Variants in SMOC2 observed in about 807,000 individuals in gnomAD.
The protein encoded by SMOC2 is SPARC-related modular calcium-binding protein 2.
Under a neutral mutation model 61.4 loss-of-function variants are expected in SMOC2, and 39 were observed. The observed-to-expected ratio is 0.64, with a 90% CI of 0.49 to 0.83. The LOEUF is 0.83. SMOC2 is among the 40% of genes least tolerant of loss of function. SMOC2 has a pLI of 0.00. For missense variants in SMOC2, 556 were observed against 592.9 expected, an observed-to-expected ratio of 0.94 and a Z score of 0.65; for synonymous variants, 247 against 239.9, an observed-to-expected ratio of 1.03 and a Z score of -0.27.
chr6:168,620,668 A>G lies in SMOC2; in HGVS notation c.907+12429A>G, dbSNP rs762547178. Among the ~76,000 whole-genome samples the G allele has an allele frequency of 4.2e-4, 64 of 152,226 alleles. 1 individual carries two copies. Among genetic ancestry groups the G allele is most frequent in the Non-Finnish European group, 1.0e-4 (7 of 68,024 alleles). On this transcript the variant is annotated intron_variant, in intron 9 of 12. Transcript: ENST00000356284. Reference sequence around the variant, plus strand: ...TTTGAGTCAGGGAACCGCAGACAGCATGGGCAGCACTGACACTGTGCGGAG... The same window carrying G: ...TTTGAGTCAGGGAACCGCAGACAGCGTGGGCAGCACTGACACTGTGCGGAG...
chr6:168,548,988 G>A, intron 6 of SMOC2, 141 bp from the exon 7 acceptor site: 1 of 654,966 alleles, frequency 1.5e-6, no homozygotes, highest in Non-Finnish European at 2.8e-6. Context: ...TATAATCAGT[G>A]TAACTATTTC....
intron 1 of SMOC2, among the ~76,000 whole-genome samples, chr6:168,479,017 A>G (rs1039807612): frequency 1.4e-5 from 2 of 146,342 alleles, no homozygotes; most frequent in East Asian, 2.1e-4. Flanking sequence ...CTGTCTCGGG[A>G]AAAGGAGTCA....
At chr6:168,530,304 G>A (rs914835215) in intron 4 of SMOC2, among the ~76,000 whole-genome samples, 2 of 152,088 alleles carry the variant, frequency 1.3e-5, no homozygotes, top group African/African-American at 4.8e-5. Context: ...CTTTTCAGTT[G>A]TCTCAGAAAG....
intron 11 of SMOC2, chr6:168,655,255 C>T (rs1583190871): frequency 2.6e-6 from 1 of 380,996 alleles, no homozygotes; most frequent in East Asian, 7.3e-5. Context: ...AACCCTGCAC[C>T]TGAGCTCCAA....
intron 1 of SMOC2, among the ~76,000 whole-genome samples, chr6:168,470,840 A>G (rs1328400588): frequency 1.3e-5 from 2 of 152,160 alleles, no homozygotes; most frequent in Non-Finnish European, 1.5e-5. Flanking sequence ...ATGAAGTCAT[A>G]TTTGACACAT....
At chr6:168,562,754 G>A (rs964197684) in intron 7 of SMOC2, among the ~76,000 whole-genome samples, 2 of 152,292 alleles carry the variant, frequency 1.3e-5, no homozygotes, top group East Asian at 1.9e-4. Flanking sequence ...GGTCGGAAGC[G>A]CAGTGTTTTA....
intron 8 of SMOC2, among the ~76,000 whole-genome samples, chr6:168,599,243 CACCCACACACAT>C (rs1285820396): frequency 1.5e-5 from 2 of 135,262 alleles, no homozygotes; most frequent in African/African-American, 5.1e-5. Context: ...CTCTCACACA[CACCCACACACAT>C]ACCCACACAC....
Position 168,598,856 on chromosome 6 carries a change from G to A in SMOC2, c.676G>A (p.Glu226Lys), listed in dbSNP as rs765211821. ...CCAAGAGCACCAGTCTGCCCTGGAG[G>A]AAGCCAAGCAGCCCAAGAACGACAA... Reference protein sequence around the residue: ...CDQEHQSALEEAKQPKNDNVV... With the variant: ...CDQEHQSALEKAKQPKNDNVV... The change falls in exon 8 of 13, where the codon GAA (glutamate) becomes AAA (lysine). Residue 226 changes from glutamate (E) to lysine (K), a missense_variant. By Grantham distance (56) the Glu-to-Lys change is moderately conservative. Coordinates refer to ENST00000356284, the MANE Select transcript of SMOC2 (RefSeq NM_001166412.2). The A allele has an allele frequency of 6.2e-7, 1 of 1,613,860 alleles. No homozygotes were observed. The highest frequency in any genetic ancestry group is 8.5e-7 in the Non-Finnish European group (1 of 1,179,822).
chr6:168,513,174 G>T (rs1783049120), intron 2 of SMOC2, among the ~76,000 whole-genome samples: 1 of 152,182 alleles, frequency 6.6e-6, no homozygotes, highest in Non-Finnish European at 1.5e-5. Context: ...TTTCTTTGTG[G>T]TGGTAGGGAA....
intron 1 of SMOC2, among the ~76,000 whole-genome samples, chr6:168,488,606 A>T (rs1409530650): frequency 6.6e-6 from 1 of 152,232 alleles, no homozygotes; most frequent in Non-Finnish European, 1.5e-5. Context: ...GGAGGCAGAG[A>T]TCAGGACCCA....
At chr6:168,461,561 G>T (rs936263205) in intron 1 of SMOC2, among the ~76,000 whole-genome samples, 15 of 152,236 alleles carry the variant, frequency 9.9e-5, no homozygotes, top group African/African-American at 3.1e-4. Context: ...TTGACTTCAT[G>T]TTGATTTTCT....
chr6:168,533,153 T>C lies in SMOC2; in HGVS notation c.463+5426T>C, dbSNP rs566477461. Among the ~76,000 whole-genome samples the C allele has an allele frequency of 5.9e-5, 9 of 152,306 alleles. No homozygotes were observed. The South Asian group carries it at 8.3e-4, about 14-fold the overall frequency. On this transcript the variant is annotated intron_variant, in intron 4 of 12. Coordinates refer to ENST00000356284, the MANE Select transcript of SMOC2 (RefSeq NM_001166412.2). ...CTCTCTGCGGTCTGAATTTCCTCCC[T>C]GCTCTAGGAATTTCCTCTCTGTGGT...
intron 11 of SMOC2, among the ~76,000 whole-genome samples, chr6:168,653,494 G>A (rs1323142806): frequency 6.6e-6 from 1 of 152,254 alleles, no homozygotes; most frequent in African/African-American, 2.4e-5. Flanking sequence ...TTCAGACCAC[G>A]GTTGGCTTCC....
intron 9 of SMOC2, among the ~76,000 whole-genome samples, chr6:168,609,309 T>C (rs1462351845): frequency 6.6e-6 from 1 of 152,196 alleles, no homozygotes; most frequent in Non-Finnish European, 1.5e-5. Flanking sequence ...ACCTCCTCAG[T>C]GTCTTCCTTG....
At position 168,579,379 on chromosome 6, in the gene SMOC2, G is replaced by A. The variant is rs1010636169; in HGVS notation, c.638-19439G>A. ...ATTTTAAAGTGGGATTGTCAGCGTC[G>A]CTTTTATTTCTCATCAGCTGTATTA... On this transcript the variant is annotated intron_variant, in intron 7 of 12. Transcript: ENST00000356284. Among the ~76,000 whole-genome samples the A allele has an allele frequency of 3.3e-5, 5 of 152,296 alleles. No individual in the cohort carries two copies. In the South Asian group the frequency reaches 6.2e-4, roughly 19 times the overall value.
At position 168,523,891 on chromosome 6, in the gene SMOC2, A is replaced by G. The variant is rs142212439; in HGVS notation, c.257-2455A>G. Among the ~76,000 whole-genome samples, 123 of 152,316 alleles carry G rather than the reference A, an allele frequency of 8.1e-4. 1 individual carries two copies. Among genetic ancestry groups the G allele is most frequent in the African/African-American group, 2.8e-3 (118 of 41,568 alleles). The stretch of plus-strand genomic sequence containing the variant: ...AGGAGAGACATTTATCATCATCTGT[A>G]AATAAGGTTTCCAGGGGACAGTGTT... On this transcript the variant is annotated intron_variant, in intron 2 of 12. Transcript: ENST00000356284.
intron 1 of SMOC2, among the ~76,000 whole-genome samples, chr6:168,506,496 T>C (rs1180014516): frequency 6.6e-6 from 1 of 152,260 alleles, no homozygotes; most frequent in African/African-American, 2.4e-5. Context: ...TTACCTGTTT[T>C]GTAAACGGTT....
intron 1 of SMOC2, among the ~76,000 whole-genome samples, chr6:168,451,650 T>G (rs770413704): frequency 5.3e-5 from 8 of 152,052 alleles, no homozygotes; most frequent in Non-Finnish European, 1.2e-4. Flanking sequence ...TGGGTGTATA[T>G]TTTCTAGGTT....
chr6:168,620,258 A>G (rs1786210651), intron 9 of SMOC2, among the ~76,000 whole-genome samples: 1 of 152,222 alleles, frequency 6.6e-6, no homozygotes, highest in Non-Finnish European at 1.5e-5. Flanking sequence ...GCAGAATACT[A>G]AGACTGCATG....
Sources: gnomAD v4.1 joint callset for allele counts (sites outside exome capture counted in the v4.1 genomes callset) on GRCh38, gnomAD v4.1.1 for gene constraint, MANE v1.5 for transcripts, NCBI Gene and HGNC (gene_info 2026-07-23, HGNC 2026-07-21) for gene names.